The following SHQ1 variants were observed in gnomAD, a reference collection of about 807,000 sequenced individuals.
SHQ1 encodes the protein protein SHQ1 homolog.
SHQ1 carries 49 observed loss-of-function variants against 53.8 expected under a neutral mutation model. The ratio of observed to expected loss-of-function variants is 0.91; its 90% CI spans 0.72 to 1.16. SHQ1 has a LOEUF of 1.16. SHQ1 is among the 50% of genes most tolerant of loss of function. SHQ1 has a pLI of 0.00. For missense variants in SHQ1, 738 were observed against 683.1 expected, an observed-to-expected ratio of 1.08 and a Z score of -0.90; for synonymous variants, 243 against 251.0, an observed-to-expected ratio of 0.97 and a Z score of 0.30.
intron 5 of SHQ1, among the ~76,000 whole-genome samples, chr3:72,828,410 G>A (rs570138046): frequency 5.3e-5 from 8 of 152,220 alleles, no homozygotes; most frequent in African/African-American, 1.9e-4. Flanking sequence ...GAGAAGCAGT[G>A]TGGGTTGGGC....
At chr3:72,815,223 A>T (rs1367679627) in intron 8 of SHQ1, 127 bp downstream of exon 8, 1 of 732,570 alleles carries the variant, frequency 1.4e-6, no homozygotes, top group Non-Finnish European at 2.3e-6. Context: ...TGGAAAACAT[A>T]CTTGTACAAT....
In SHQ1 at chr3:72,750,658, C is replaced by T; in HGVS notation, c.1360G>A (p.Ala454Thr). 6.2e-7 allele frequency: 1 copy of T among 1,613,206 alleles called. No homozygotes were observed. Among genetic ancestry groups the T allele is most frequent in the East Asian group, 2.2e-5 (1 of 44,842 alleles). Reference protein sequence around the residue: ...GQQTLCSSSEASDSEDSDSSV... With the variant: ...GQQTLCSSSETSDSEDSDSSV... ...CTGTCTGAGTCCTCCGAATCACTTG[C>T]CTCAGAGCTGGAGCAAAGTGTCTGC... The change falls in exon 11 of 11, where the codon GCA (alanine) becomes ACA (threonine). Residue 454 changes from alanine (A) to threonine (T), a missense_variant. By Grantham distance (58) the Ala-to-Thr change is moderately conservative. Coordinates refer to ENST00000325599, the MANE Select transcript of SHQ1 (RefSeq NM_018130.3).
chr3:72,792,242 G>A (rs1706461093), intron 10 of SHQ1, among the ~76,000 whole-genome samples: 1 of 152,146 alleles, frequency 6.6e-6, no homozygotes, highest in Non-Finnish European at 1.5e-5. Context: ...ACACTCTACT[G>A]TAAGTGAAAT....
At chr3:72,771,546 T>C (rs982791676) in intron 10 of SHQ1, among the ~76,000 whole-genome samples, 21 of 152,188 alleles carry the variant, frequency 1.4e-4, no homozygotes, top group Admixed American at 8.5e-4. Flanking sequence ...AAAGTAATAT[T>C]CACAAAAACC....
intron 9 of SHQ1, chr3:72,795,091 C>T (rs1160519988): frequency 6.6e-6 from 1 of 152,226 alleles, no homozygotes; most frequent in Non-Finnish European, 1.5e-5. Flanking sequence ...GGACTTATTA[C>T]TGACTTTAAC....
chr3:72,833,113 G>T (rs1239435737), intron 4 of SHQ1, among the ~76,000 whole-genome samples: 3 of 152,064 alleles, frequency 2.0e-5, no homozygotes, highest in Non-Finnish European at 4.4e-5. Flanking sequence ...AAAAGTTTTG[G>T]ATTTTGGACC....
At chr3:72,775,245 A>G (rs112047930) in intron 10 of SHQ1, among the ~76,000 whole-genome samples, 7 of 152,248 alleles carry the variant, frequency 4.6e-5, no homozygotes, top group African/African-American at 1.7e-4. Context: ...AAAAGACAAC[A>G]ATTACAGATG....
the SHQ1 span, among the ~76,000 whole-genome samples, chr3:72,740,784 G>A: frequency 6.6e-6 from 1 of 151,986 alleles, no homozygotes; most frequent in South Asian, 2.1e-4. Context: ...ATCCTTTTAC[G>A]CCCAGCCACT....
At chr3:72,764,244 G>A (rs964585079) in intron 10 of SHQ1, among the ~76,000 whole-genome samples, 13 of 152,012 alleles carry the variant, frequency 8.6e-5, no homozygotes, top group African/African-American at 2.4e-4. Flanking sequence ...GTGCAGTGGC[G>A]CAATCACAGC....
chr3:72,847,896 G>C (rs149691897), intron 1 of SHQ1, among the ~76,000 whole-genome samples: 1 of 152,106 alleles, frequency 6.6e-6, no homozygotes, highest in Non-Finnish European at 1.5e-5. Flanking sequence ...AAGTCAGAAC[G>C]GGACGAGAAC....
At chr3:72,732,388 G>GCCTGCCTGCCTGCCTTCCTTCCTT in the SHQ1 span, among the ~76,000 whole-genome samples, 2 of 58,178 alleles carry the variant, frequency 3.4e-5, no homozygotes, top group South Asian at 7.4e-4. Flanking sequence ...CTGCCTGCCT[G>GCCTGCCTGCCTGCCTTCCTTCCTT]CCTTCCTTCC....
intron 5 of SHQ1, among the ~76,000 whole-genome samples, chr3:72,824,885 TCAAACTCCTGGGGTCA>T (rs997098118): frequency 1.1e-4 from 16 of 151,574 alleles, no homozygotes; most frequent in Non-Finnish European, 2.1e-4. Flanking sequence ...CACTGCAGCC[TCAAACTCCTGGGGTCA>T]AGCAATCCTC....
intron 4 of SHQ1, among the ~76,000 whole-genome samples, chr3:72,835,129 C>CAT (rs1206542947): frequency 7.0e-6 from 1 of 142,686 alleles, no homozygotes; most frequent in Admixed American, 7.1e-5. Context: ...TTTTTTGAGA[C>CAT]AGAGTATCCA....
chr3:72,764,915 G>T (rs1193868391), intron 10 of SHQ1, among the ~76,000 whole-genome samples: 3 of 152,142 alleles, frequency 2.0e-5, no homozygotes, highest in Non-Finnish European at 4.4e-5. Flanking sequence ...CCTGTTCCTG[G>T]GTCAACTGTT....
intron 4 of SHQ1, among the ~76,000 whole-genome samples, chr3:72,836,025 C>G (rs1707980827): frequency 6.6e-6 from 1 of 152,204 alleles, no homozygotes; most frequent in African/African-American, 2.4e-5. Flanking sequence ...TTCACTGTAT[C>G]CCCATCACTG....
At chr3:72,834,541 A>C (rs1707933250) in intron 4 of SHQ1, among the ~76,000 whole-genome samples, 1 of 152,202 alleles carries the variant, frequency 6.6e-6, no homozygotes, top group African/African-American at 2.4e-5. Flanking sequence ...AAAAAAAAGA[A>C]GTCGTCGTCA....
intron 10 of SHQ1, among the ~76,000 whole-genome samples, chr3:72,772,132 T>C (rs1027199717): frequency 6.6e-6 from 1 of 151,844 alleles, no homozygotes; most frequent in Non-Finnish European, 1.5e-5. Flanking sequence ...CTTTAAGCCT[T>C]ACAATGCAGA....
At chr3:72,746,427 T>C (rs1167686517), downstream of SHQ1, among the ~76,000 whole-genome samples, 1 of 152,222 alleles carries the variant, frequency 6.6e-6, no homozygotes, top group Non-Finnish European at 1.5e-5. Context: ...AGGCAGCACC[T>C]CTGGAGGTGT....
chr3:72,751,426 A>G (rs1190243781), intron 10 of SHQ1, among the ~76,000 whole-genome samples: 1 of 151,286 alleles, frequency 6.6e-6, no homozygotes, highest in Non-Finnish European at 1.5e-5. Context: ...CTCAAAAAGA[A>G]AAATAGAAAT....
Sources: gnomAD v4.1 joint callset for allele counts (sites outside exome capture counted in the v4.1 genomes callset) on GRCh38, gnomAD v4.1.1 for gene constraint, MANE v1.5 for transcripts, NCBI Gene and HGNC (gene_info 2026-07-23, HGNC 2026-07-21) for gene names.